ALG5: variants seen among roughly 807,000 people sequenced by gnomAD.
ALG5 encodes the protein ALG5 dolichyl-phosphate beta-glucosyltransferase, also known as dolichyl-phosphate beta-glucosyltransferase.
In ALG5, 26 loss-of-function variants were observed where a neutral mutation model predicts 51.8. The ratio of observed to expected loss-of-function variants is 0.50; its 90% CI spans 0.37 to 0.70. The LOEUF (loss-of-function observed/expected upper bound fraction) is 0.70. ALG5 is among the 30% of genes least tolerant of loss of function. The probability of loss-of-function intolerance (pLI) is 0.00; values close to 1 mark genes in which losing one functional copy is unlikely to be tolerated. For synonymous variants in ALG5, 141 were observed against 136.1 expected (o/e 1.04, Z -0.25); for missense variants, 311 against 399.3 (o/e 0.78, Z 1.88).
chr13:36,963,252 T>C (rs143713586), intron 8 of ALG5, among the ~76,000 whole-genome samples: 16 of 152,338 alleles, frequency 1.1e-4, no homozygotes, highest in Non-Finnish European at 1.9e-4. Context: ...TTTTTACTTT[T>C]TAAATGTGGC....
At chr13:36,965,519 C>T in intron 8 of ALG5, 56 bp downstream of exon 8, 1 of 1,529,112 alleles carries the variant, frequency 6.5e-7, no homozygotes, top group African/African-American at 1.4e-5. Context: ...TTTCTCATTA[C>T]CTAGAAGATG....
chr13:36,966,923 A>G (rs1051189317), intron 7 of ALG5, among the ~76,000 whole-genome samples: 1 of 152,146 alleles, frequency 6.6e-6, no homozygotes, highest in Non-Finnish European at 1.5e-5. Flanking sequence ...AGAGTAACAA[A>G]GAAAAAGCAC....
intron 6 of ALG5, among the ~76,000 whole-genome samples, chr13:36,975,297 T>G (rs1227789065): frequency 6.6e-6 from 1 of 152,176 alleles, no homozygotes. Context: ...CTCTTTAAAT[T>G]TTTTTCTTGT....
Position 36,952,502 on chromosome 13 carries a change from C to T in ALG5, c.859+12G>A. 9 of 1,576,192 alleles carry T rather than the reference C, an allele frequency of 5.7e-6. No homozygotes were observed. Among genetic ancestry groups the T allele is most frequent in the Non-Finnish European group, 7.8e-6 (9 of 1,157,846 alleles). ...TGACTCAAGACAATCATACAATAAACAATATACTCACCTTCAATTTCTGTC... is the reference window on the plus strand; with the variant it reads ...TGACTCAAGACAATCATACAATAAATAATATACTCACCTTCAATTTCTGTC... On this transcript the variant is annotated intron_variant, in intron 9 of 9. Transcript: ENST00000239891.
chr13:36,971,768 C>T (rs1293471745), intron 7 of ALG5, among the ~76,000 whole-genome samples: 1 of 150,434 alleles, frequency 6.6e-6, no homozygotes, highest in East Asian at 1.9e-4. Context: ...GCGAAGTCCA[C>T]ATCTTCTTGT....
intron 8 of ALG5, among the ~76,000 whole-genome samples, chr13:36,956,378 G>A (rs1397773970): frequency 6.6e-6 from 1 of 152,220 alleles, no homozygotes; most frequent in Non-Finnish European, 1.5e-5. Context: ...CACTGTTGGT[G>A]AGAATGTAAA....
At chr13:36,972,336 G>A (rs1286020702) in intron 6 of ALG5, among the ~76,000 whole-genome samples, 1 of 152,064 alleles carries the variant, frequency 6.6e-6, no homozygotes, top group Non-Finnish European at 1.5e-5. Context: ...AGAAAAATTA[G>A]TGGTATGAGA....
rs187902701 is a variant in ALG5 at position 36,980,845 on chromosome 13, G to A, written c.561+4782C>T. Among the ~76,000 whole-genome samples the A allele has an allele frequency of 3.4e-4, 52 of 152,024 alleles. No homozygotes were observed. In the East Asian group the frequency reaches 8.9e-3, roughly 26 times the overall value. ...AAAAAATAGCCTGGCGTGGTGGTGC[G>A]TGCCTGTAATTCCAGCTACTCGGGA... On this transcript the variant is annotated intron_variant, in intron 6 of 9. Transcript: ENST00000239891.
chr13:36,991,822 C>T (rs778516201), intron 4 of ALG5, among the ~76,000 whole-genome samples: 3 of 152,076 alleles, frequency 2.0e-5, no homozygotes, highest in Admixed American at 1.3e-4. Context: ...TTCAGTCGTG[C>T]GATCACAGCT....
chr13:36,950,023 T>C lies in ALG5; in HGVS notation c.894A>G (p.Gln298=), dbSNP rs774410648. Residue 298 remains glutamine, a synonymous_variant, in exon 10 of 10, where the codon CAA becomes CAG. Transcript: ENST00000239891. Reference sequence around the variant, plus strand: ...GTATAAAAAGTAGGTCTTTACCCATTTGTAGCCAGCTCCAGAATGGAACTA... The same window carrying C: ...GTATAAAAAGTAGGTCTTTACCCATCTGTAGCCAGCTCCAGAATGGAACTA... ...SKLVPFWSWL[Q]MGKDLLFIRL... The C allele has an allele frequency of 5.0e-6, 8 of 1,612,676 alleles. No individual in the cohort carries two copies. In the African/African-American group the frequency reaches 8.0e-5, roughly 16 times the overall value.
intron 1 of ALG5, among the ~76,000 whole-genome samples, chr13:36,996,581 A>G (rs2059051768): frequency 6.6e-6 from 1 of 152,216 alleles, no homozygotes; most frequent in Non-Finnish European, 1.5e-5. Context: ...CCTGCCAAAA[A>G]AAATTACTGC....
intron 6 of ALG5, among the ~76,000 whole-genome samples, chr13:36,984,637 G>T (rs764867375): frequency 9.9e-5 from 15 of 152,096 alleles, no homozygotes; most frequent in Non-Finnish European, 1.9e-4. Context: ...AACATGGGCA[G>T]CTCTCCTACA....
At chr13:36,969,976 C>T (rs2058914082) in intron 7 of ALG5, among the ~76,000 whole-genome samples, 1 of 151,368 alleles carries the variant, frequency 6.6e-6, no homozygotes, top group South Asian at 2.1e-4. Context: ...TCATCTAGGG[C>T]TATAGCTGTA....
chr13:36,986,832 T>C (rs1459452567), intron 5 of ALG5, among the ~76,000 whole-genome samples: 1 of 152,068 alleles, frequency 6.6e-6, no homozygotes, highest in East Asian at 1.9e-4. Context: ...GAGGCTGAGG[T>C]GGTAAAAAAA....
intron 6 of ALG5, among the ~76,000 whole-genome samples, chr13:36,976,531 T>C (rs1326554192): frequency 3.3e-5 from 5 of 151,838 alleles, no homozygotes; most frequent in Non-Finnish European, 7.4e-5. Context: ...GCAGATCTCC[T>C]GAGGTCAGGA....
intron 6 of ALG5, among the ~76,000 whole-genome samples, chr13:36,972,991 C>CAAAA (rs375217175): frequency 3.3e-4 from 36 of 108,810 alleles, no homozygotes; most frequent in African/African-American, 1.2e-3. Context: ...GACTCCGTCT[C>CAAAA]AAAAAAAAAA....
intron 6 of ALG5, among the ~76,000 whole-genome samples, chr13:36,973,275 A>G (rs2058934884): frequency 6.6e-6 from 1 of 152,178 alleles, no homozygotes; most frequent in African/African-American, 2.4e-5. Flanking sequence ...TGGAATGTGA[A>G]TAGACAAATC....
At chr13:36,994,857 A>T in intron 3 of ALG5, 132 bp downstream of exon 3, 1 of 724,768 alleles carries the variant, frequency 1.4e-6, no homozygotes, top group East Asian at 2.6e-5. Context: ...AGCAACAAGC[A>T]AGCAGCAGGT....
At chr13:36,971,258 G>A (rs189437066) in intron 7 of ALG5, among the ~76,000 whole-genome samples, 2 of 151,858 alleles carry the variant, frequency 1.3e-5, no homozygotes, top group African/African-American at 4.8e-5. Context: ...GAGGAATGAG[G>A]TTAAAAAAAA....
Sources: allele counts gnomAD v4.1 joint callset (sites outside exome capture counted in the v4.1 genomes callset), GRCh38; gene constraint gnomAD v4.1.1; transcripts MANE v1.5; gene names NCBI Gene and HGNC (gene_info 2026-07-23, HGNC 2026-07-21).